Variants in C2CD3 observed in about 807,000 individuals in gnomAD.
The protein encoded by C2CD3 is C2 domain containing 3 centriole elongation regulator.
A neutral mutation model predicts 234.0 loss-of-function variants in C2CD3; 148 were observed. That is an observed-to-expected ratio of 0.63 (90% CI 0.55 to 0.72). The LOEUF (loss-of-function observed/expected upper bound fraction) is 0.72, where lower values mean the gene tolerates loss of function less well. Among genes scored for constraint, C2CD3 ranks in the 30% least tolerant of loss-of-function variants. The pLI is 0.00. For synonymous variants in C2CD3, 1,000 were observed against 1,035.4 expected (o/e 0.97, Z 0.66); for missense variants, 2,577 against 2,811.5 (o/e 0.92, Z 1.89).
At position 74,111,919 on chromosome 11, in the gene C2CD3, TACACACACACACACAC is replaced by T. The variant is rs61499954; in HGVS notation, c.1843+1845_1843+1860del. Among the ~76,000 whole-genome samples, 331 of 125,196 alleles carry T rather than the reference TACACACACACACACAC, an allele frequency of 2.6e-3. 5 individuals are homozygous for T. The highest frequency in any genetic ancestry group is 8.4e-3 in the African/African-American group (286 of 33,852). The allele number at this position is 125,196 out of a possible 152,430, so 82.1% of individuals were successfully genotyped here. A position where few individuals can be genotyped will look rare whatever the true frequency, so the allele number is the denominator to read the frequency against. On this transcript the variant is annotated intron_variant, in intron 11 of 32. Coordinates refer to ENST00000334126, the MANE Select transcript of C2CD3 (RefSeq NM_001286577.2). ...CCCCTGGAGTAAACATATTTGCTGA[TACACACACACACACAC>T]ACACACACACACACACACACACACA...
intron 5 of C2CD3, 53 bp downstream of exon 5, chr11:74,138,667 A>T (rs1285324482): frequency 4.8e-6 from 7 of 1,459,006 alleles, no homozygotes; most frequent in Non-Finnish European, 6.7e-6. Context: ...TAACAAGCAG[A>T]GCAATCCCAT....
At chr11:74,079,656 T>TGCACACC (rs1468151690) in intron 22 of C2CD3, among the ~76,000 whole-genome samples, 7 of 151,890 alleles carry the variant, frequency 4.6e-5, no homozygotes, top group African/African-American at 1.5e-4. Flanking sequence ...TAATCCTTAC[T>TGCACACC]TTACAGATGA....
intron 7 of C2CD3, among the ~76,000 whole-genome samples, chr11:74,123,815 T>C (rs1004499999): frequency 1.3e-5 from 2 of 150,732 alleles, no homozygotes; most frequent in Non-Finnish European, 2.9e-5. Flanking sequence ...CTAGGCTCAC[T>C]GCAACCTCTG....
intron 26 of C2CD3, among the ~76,000 whole-genome samples, chr11:74,051,651 TC>T (rs1319590857): frequency 6.6e-6 from 1 of 152,204 alleles, no homozygotes; most frequent in Non-Finnish European, 1.5e-5. Context: ...ACAGTAAAAA[TC>T]CTGCCCCTTC....
intron 26 of C2CD3, among the ~76,000 whole-genome samples, chr11:74,053,187 G>C (rs1953775316): frequency 1.3e-5 from 2 of 152,104 alleles, no homozygotes; most frequent in African/African-American, 4.8e-5. Context: ...AAATTTCCTT[G>C]GGCTTCAGCT....
intron 24 of C2CD3, among the ~76,000 whole-genome samples, chr11:74,066,028 C>A (rs1303312678): frequency 6.7e-6 from 1 of 149,496 alleles, no homozygotes; most frequent in African/African-American, 2.5e-5. Flanking sequence ...CAAACCTGCA[C>A]GTTGTGCACA....
At position 74,085,843 on chromosome 11, in the gene C2CD3, C is replaced by T. The variant is rs1352974510; in HGVS notation, c.3685G>A (p.Val1229Ile). 3 of 1,614,100 alleles carry T rather than the reference C, an allele frequency of 1.9e-6. No homozygotes were observed. The highest frequency in any genetic ancestry group is 1.7e-5 in the Admixed American group (1 of 60,012). The change falls in exon 21 of 33, where the codon GTC (valine) becomes ATC (isoleucine). Residue 1229 changes from valine (V) to isoleucine (I), a missense_variant. Coordinates refer to ENST00000334126, the MANE Select transcript of C2CD3 (RefSeq NM_001286577.2). Reference protein sequence around the residue: ...REPALQFSATVGVNASVTTHL... With the variant: ...REPALQFSATIGVNASVTTHL... ...GTGGTGACAGAGGCATTGACCCCGACTGTGGCACTAAACTGTAGAGCGGGT... is the reference window on the plus strand; with the variant it reads ...GTGGTGACAGAGGCATTGACCCCGATTGTGGCACTAAACTGTAGAGCGGGT...
Position 74,095,418 on chromosome 11 carries a change from G to A in C2CD3, c.2980-10C>T. ...TTCCTCGGTCCTCTGCCTATTAAATGAAACAGAAACACTGGTGAGCTTTAA... is the reference window on the plus strand; with the variant it reads ...TTCCTCGGTCCTCTGCCTATTAAATAAAACAGAAACACTGGTGAGCTTTAA... On this transcript the variant is annotated splice_polypyrimidine_tract_variant and intron_variant, in intron 16 of 32. Coordinates refer to ENST00000334126, the MANE Select transcript of C2CD3 (RefSeq NM_001286577.2). 6.2e-7 allele frequency: 1 copy of A among 1,602,822 alleles called. No homozygotes were observed. Among genetic ancestry groups the A allele is most frequent in the Non-Finnish European group, 8.5e-7 (1 of 1,174,020 alleles).
chr11:74,036,202 A>C (rs974204370), intron 30 of C2CD3: 12 of 300,738 alleles, frequency 4.0e-5, no homozygotes, highest in Non-Finnish European at 8.0e-5. Context: ...CCCTTTAGAA[A>C]GATTCCCCTA....
chr11:74,071,396 T>C (rs575494745), intron 24 of C2CD3, among the ~76,000 whole-genome samples: 1 of 152,194 alleles, frequency 6.6e-6, no homozygotes, highest in Admixed American at 6.5e-5. Flanking sequence ...CACAGACATT[T>C]ATGTGTCAGT....
At chr11:74,019,490 G>C (rs960223491) in intron 32 of C2CD3, among the ~76,000 whole-genome samples, 1 of 152,218 alleles carries the variant, frequency 6.6e-6, no homozygotes, top group East Asian at 1.9e-4. Flanking sequence ...CAATAGGTCA[G>C]GACCTCTTGC....
intron 3 of C2CD3, 147 bp downstream of exon 3, chr11:74,161,252 C>T (rs1201904068): frequency 6.3e-6 from 3 of 476,366 alleles, no homozygotes; most frequent in East Asian, 6.9e-5. Context: ...AAAAGTAGGT[C>T]TACTGGGTAA....
chr11:74,057,224 A>G (rs946589295), intron 25 of C2CD3, among the ~76,000 whole-genome samples, 182 bp downstream of exon 25: 4 of 152,232 alleles, frequency 2.6e-5, no homozygotes, highest in Non-Finnish European at 5.9e-5. Flanking sequence ...ACACTAAAAC[A>G]AAACCTTTAA....
At chr11:74,018,892 C>T (rs1236341189) in intron 32 of C2CD3, among the ~76,000 whole-genome samples, 3 of 152,074 alleles carry the variant, frequency 2.0e-5, no homozygotes, top group African/African-American at 4.8e-5. Flanking sequence ...TTCTTATTAC[C>T]GATATGCTCC....
intron 3 of C2CD3, chr11:74,142,226 C>T (rs1386930800): frequency 1.3e-5 from 2 of 152,248 alleles, no homozygotes; most frequent in East Asian, 3.9e-4. Flanking sequence ...TGCTGTATCC[C>T]TGGGGGTTAC....
chr11:74,132,983 G>GAA lies in C2CD3; in HGVS notation c.1089-13_1089-12dup, dbSNP rs1327578853. The GAA allele has an allele frequency of 6.2e-7, 1 of 1,612,140 alleles. No homozygotes were observed. The highest frequency in any genetic ancestry group is 8.5e-7 in the Non-Finnish European group (1 of 1,179,136). ...GAAAAGGCTCTGATCCTAAGGTGTG[G>GAA]AAAAATACTTTCTCACTGAGTGGCT... is the stretch of plus-strand genomic sequence containing the variant. On this transcript the variant is annotated splice_polypyrimidine_tract_variant and intron_variant, in intron 6 of 32. Transcript: ENST00000334126.
rs549697053 is a variant in C2CD3 at position 74,018,307 on chromosome 11, C to A, written c.6922-4782G>T. Among the ~76,000 whole-genome samples the A allele has an allele frequency of 2.4e-4, 37 of 152,224 alleles. No homozygotes were observed. The East Asian group carries it at 6.8e-3, about 28-fold the overall frequency. On this transcript the variant is annotated intron_variant, in intron 32 of 32. Coordinates refer to ENST00000334126, the MANE Select transcript of C2CD3 (RefSeq NM_001286577.2). ...ACCCCATCCCTGGCAAAGGGTCAGG[C>A]CCCAAAAGTCCTGAGTAGAGCTGGG...
At chr11:74,105,506 G>T (rs1228024979) in intron 13 of C2CD3, among the ~76,000 whole-genome samples, 1 of 152,072 alleles carries the variant, frequency 6.6e-6, no homozygotes, top group South Asian at 2.1e-4. Context: ...CCTGAGCTCC[G>T]GCAATCTGCC....
In C2CD3 at chr11:74,123,118, C is replaced by T; in HGVS notation, c.1235G>A (p.Gly412Asp). 1 of 1,612,870 alleles carries T rather than the reference C, an allele frequency of 6.2e-7. No individual in the cohort carries two copies. The highest frequency in any genetic ancestry group is 8.5e-7 in the Non-Finnish European group (1 of 1,179,014). ...AGAGCCTAGCCCATCCCAGAAATTGCCTTGGGATAATTCAGCACTGCAGAG... is the reference window on the plus strand; with the variant it reads ...AGAGCCTAGCCCATCCCAGAAATTGTCTTGGGATAATTCAGCACTGCAGAG... ...LLLGSAELSQGNFWDGLGSPP... is the reference protein window; with the variant it reads ...LLLGSAELSQDNFWDGLGSPP... Residue 412 changes from glycine (G) to aspartate (D), a missense_variant, in exon 8 of 33, where the codon GGC (glycine) becomes GAC (aspartate). Coordinates refer to ENST00000334126, the MANE Select transcript of C2CD3 (RefSeq NM_001286577.2).
Sources: allele counts gnomAD v4.1 joint callset (sites outside exome capture counted in the v4.1 genomes callset), GRCh38; gene constraint gnomAD v4.1.1; transcripts MANE v1.5; gene names NCBI Gene and HGNC (gene_info 2026-07-23, HGNC 2026-07-21).